The following PDZRN4 variants were observed in gnomAD, a reference collection of about 807,000 sequenced individuals.
PDZRN4 encodes PDZ domain-containing RING finger protein 4.
Under a neutral mutation model 99.0 loss-of-function variants are expected in PDZRN4, and 70 were observed. The observed-to-expected ratio is 0.71, with a 90% confidence interval of 0.58 to 0.86. The LOEUF (loss-of-function observed/expected upper bound fraction) is 0.86, where lower values mean the gene tolerates loss of function less well. Ranked by LOEUF, PDZRN4 falls within the 40% of genes least tolerant of loss-of-function variation. PDZRN4 has a pLI of 0.00. For synonymous variants in PDZRN4, 551 were observed against 501.6 expected (o/e 1.10, Z -1.32); for missense variants, 1,474 against 1,331.2 (o/e 1.11, Z -1.67).
intron 3 of PDZRN4, among the ~76,000 whole-genome samples, chr12:41,389,341 A>C (rs972242781): frequency 6.6e-6 from 1 of 152,222 alleles, no homozygotes; most frequent in Non-Finnish European, 1.5e-5. Flanking sequence ...AATCCTTTAA[A>C]GGCATTCTCT....
At chr12:41,378,785 A>G (rs1952101074) in intron 3 of PDZRN4, among the ~76,000 whole-genome samples, 1 of 152,084 alleles carries the variant, frequency 6.6e-6, no homozygotes, top group Non-Finnish European at 1.5e-5. Flanking sequence ...AGCCTCCGAA[A>G]GTGCTGGGAT....
intron 3 of PDZRN4, among the ~76,000 whole-genome samples, chr12:41,252,211 A>T (rs1591985623): frequency 6.6e-6 from 1 of 152,216 alleles, no homozygotes; most frequent in South Asian, 2.1e-4. Context: ...TTATGGTATG[A>T]TCAGTAATTC....
At chr12:41,515,057 C>G (rs1229912722) in intron 5 of PDZRN4, among the ~76,000 whole-genome samples, 1 of 152,024 alleles carries the variant, frequency 6.6e-6, no homozygotes, top group Non-Finnish European at 1.5e-5. Context: ...ATGTGAGAAG[C>G]ACTGCAACAG....
chr12:41,435,096 T>C (rs994834739), intron 3 of PDZRN4, among the ~76,000 whole-genome samples: 1 of 152,132 alleles, frequency 6.6e-6, no homozygotes, highest in Non-Finnish European at 1.5e-5. Context: ...GGGCAGCATT[T>C]GATACATGAT....
chr12:41,384,940 C>T (rs975244534), intron 3 of PDZRN4, among the ~76,000 whole-genome samples: 1 of 152,204 alleles, frequency 6.6e-6, no homozygotes, highest in African/African-American at 2.4e-5. Flanking sequence ...CCTCTTACTA[C>T]TGCTTACAGA....
chr12:41,344,482 G>A (rs1453488033), intron 3 of PDZRN4, among the ~76,000 whole-genome samples: 1 of 150,908 alleles, frequency 6.6e-6, no homozygotes, highest in Non-Finnish European at 1.5e-5. Context: ...TCATGTTCAC[G>A]TTTGTTTTCA....
intron 3 of PDZRN4, among the ~76,000 whole-genome samples, chr12:41,323,424 A>G (rs923831566): frequency 6.6e-6 from 1 of 152,192 alleles, no homozygotes; most frequent in Admixed American, 6.5e-5. Flanking sequence ...AAAAGATAAA[A>G]GAACAATAAA....
At chr12:41,394,603 C>T (rs77310580) in intron 3 of PDZRN4, among the ~76,000 whole-genome samples, 1,807 of 152,216 alleles carry the variant, frequency 0.012, 38 homozygotes, top group African/African-American at 0.041. Flanking sequence ...AGGCTGCAAT[C>T]GCATCTGAAG....
At chr12:41,223,921 C>A (rs1950975418) in intron 3 of PDZRN4, among the ~76,000 whole-genome samples, 1 of 152,224 alleles carries the variant, frequency 6.6e-6, no homozygotes, top group Non-Finnish European at 1.5e-5. Context: ...GGTACAGAAT[C>A]TTAGTGGAGA....
At chr12:41,541,774 A>G (rs1938862373) in intron 5 of PDZRN4, among the ~76,000 whole-genome samples, 1 of 152,122 alleles carries the variant, frequency 6.6e-6, no homozygotes. Context: ...ATTTTTAAAA[A>G]TTCCCTTGAA....
At chr12:41,347,459 A>T (rs758442679) in intron 3 of PDZRN4, among the ~76,000 whole-genome samples, 5 of 152,056 alleles carry the variant, frequency 3.3e-5, no homozygotes, top group Non-Finnish European at 7.4e-5. Flanking sequence ...AGAAATGTCT[A>T]CTCAAATCCT....
At chr12:41,425,545 T>C (rs1952528627) in intron 3 of PDZRN4, among the ~76,000 whole-genome samples, 1 of 152,114 alleles carries the variant, frequency 6.6e-6, no homozygotes, top group Non-Finnish European at 1.5e-5. Context: ...GGTCTTCAAA[T>C]ATAATTGTGT....
At chr12:41,323,014 C>T (rs1371790085) in intron 3 of PDZRN4, among the ~76,000 whole-genome samples, 1 of 152,092 alleles carries the variant, frequency 6.6e-6, no homozygotes, top group African/African-American at 2.4e-5. Context: ...TAAGGCCAAT[C>T]CAGTAAAGAA....
At chr12:41,532,089 A>G (rs902254516) in intron 5 of PDZRN4, among the ~76,000 whole-genome samples, 29 of 152,096 alleles carry the variant, frequency 1.9e-4, no homozygotes, top group African/African-American at 6.8e-4. Flanking sequence ...TAACCCACAG[A>G]GATTATTTTT....
intron 9 of PDZRN4, 86 bp from the exon 10 acceptor site, chr12:41,572,278 A>C (rs2120861756): frequency 8.7e-7 from 1 of 1,155,814 alleles, no homozygotes; most frequent in African/African-American, 1.6e-5. Flanking sequence ...TTTGCCAGGA[A>C]ACATTGGTTT....
At chr12:41,217,727 T>C (rs1950930632) in intron 3 of PDZRN4, among the ~76,000 whole-genome samples, 1 of 152,010 alleles carries the variant, frequency 6.6e-6, no homozygotes, top group African/African-American at 2.4e-5. Flanking sequence ...TTTCCTTCCT[T>C]TAAAGGGAAC....
At chr12:41,536,116 A>G (rs182223986) in intron 5 of PDZRN4, among the ~76,000 whole-genome samples, 1 of 152,278 alleles carries the variant, frequency 6.6e-6, no homozygotes, top group East Asian at 1.9e-4. Flanking sequence ...GCTGAGGTTC[A>G]CTTAAATCAG....
At position 41,563,584 on chromosome 12, in the gene PDZRN4, G is replaced by A. The variant is rs769072643; in HGVS notation, c.1402G>A (p.Val468Met). 6.2e-6 allele frequency: 10 copies of A among 1,613,452 alleles called. No individual in the cohort carries two copies. Among genetic ancestry groups the A allele is most frequent in the Non-Finnish European group, 8.5e-6 (10 of 1,179,598 alleles). The change falls in exon 8 of 10, where the codon GTG becomes ATG. Residue 468 changes from valine to methionine, a missense_variant. Physicochemically the swap from Val to Met is conservative, Grantham distance 21. Transcript: ENST00000402685. ...GEDVQNREEA[V>M]ALLSNDECKR... ...AGATGTCCAGAATCGAGAAGAAGCA[G>A]TGGCCTTGCTGTCTAACGATGAGTG...
At chr12:41,223,707 C>A (rs372666040) in intron 3 of PDZRN4, among the ~76,000 whole-genome samples, 2 of 152,264 alleles carry the variant, frequency 1.3e-5, no homozygotes, top group South Asian at 4.1e-4. Context: ...TCACTCACTG[C>A]AGCAGAGCTA....
Sources: allele counts gnomAD v4.1 joint callset (sites outside exome capture counted in the v4.1 genomes callset), GRCh38; gene constraint gnomAD v4.1.1; transcripts MANE v1.5; gene names NCBI Gene and HGNC (gene_info 2026-07-23, HGNC 2026-07-21).